Variants in PSG4 observed in about 807,000 individuals in gnomAD.
The protein encoded by PSG4 is pregnancy specific beta-1-glycoprotein 4.
A neutral mutation model predicts 44.3 loss-of-function variants in PSG4; 61 were observed. The observed-to-expected ratio is 1.38, with a 90% CI of 1.12 to 1.70. PSG4 has a LOEUF of 1.70. Among genes scored for constraint, PSG4 ranks in the 40% most tolerant of loss-of-function variants. The probability of loss-of-function intolerance (pLI) is 0.00; values close to 1 mark genes in which losing one functional copy is unlikely to be tolerated. For missense variants in PSG4, 677 were observed against 511.7 expected (o/e 1.32, Z -3.12); for synonymous variants, 248 against 191.3 (o/e 1.30, Z -2.45).
chr19:43,202,411 G>C (rs1258811092), intron 2 of PSG4, among the ~76,000 whole-genome samples: 2 of 144,668 alleles, frequency 1.4e-5, no homozygotes. Context: ...GGGATGAAAC[G>C]TGGGTGTCAG....
At chr19:43,205,332 C>T in intron 1 of PSG4, 141 bp downstream of exon 1, 1 of 1,063,472 alleles carries the variant, frequency 9.4e-7, no homozygotes, top group Non-Finnish European at 1.3e-6. Context: ...TGATCTTGAA[C>T]TCCTGATCTC....
intron 3 of PSG4, 81 bp downstream of exon 3, chr19:43,197,916 G>C (rs1967321853): frequency 1.3e-6 from 2 of 1,571,682 alleles, no homozygotes; most frequent in Non-Finnish European, 1.7e-6. Flanking sequence ...ACTTGGACCT[G>C]AGAGGGACTG....
intron 3 of PSG4, among the ~76,000 whole-genome samples, chr19:43,195,556 C>A (rs1967207265): frequency 6.6e-6 from 1 of 151,336 alleles, no homozygotes; most frequent in Admixed American, 6.6e-5. Flanking sequence ...GCCCCTTGTA[C>A]CCCTCCCAGT....
chr19:43,202,211 C>A (rs1450179342), intron 2 of PSG4, among the ~76,000 whole-genome samples: 1 of 145,262 alleles, frequency 6.9e-6, no homozygotes, highest in Non-Finnish European at 1.5e-5. Flanking sequence ...AGATGAGGGA[C>A]ACAGAGAAGA....
intron 1 of PSG4, among the ~76,000 whole-genome samples, chr19:43,205,258 C>T (rs1158674882): frequency 2.8e-5 from 4 of 142,694 alleles, no homozygotes; most frequent in Admixed American, 7.0e-5. Context: ...CAGGAGCACA[C>T]CACTATACCT....
intron 3 of PSG4, chr19:43,197,782 C>G (rs1599771350): frequency 6.0e-6 from 6 of 1,002,412 alleles, no homozygotes; most frequent in Non-Finnish European, 8.4e-6. Flanking sequence ...AGCTGTGGAA[C>G]CTGAGTCTCC....
chr19:43,194,307 T>C, intron 5 of PSG4, 33 bp downstream of exon 5: 1 of 1,611,898 alleles, frequency 6.2e-7, no homozygotes. Context: ...TCCACCTAAA[T>C]CCCTATTGCC....
intron 5 of PSG4, chr19:43,193,625 G>A (rs566663696): frequency 3.5e-6 from 2 of 575,808 alleles, no homozygotes; most frequent in South Asian, 4.5e-5. Flanking sequence ...CGCTCTTTTA[G>A]AATTTTATTT....
rs1254173771 is a variant in PSG4 at position 43,197,533 on chromosome 19, T to C, written c.709+464A>G. Reference sequence around the variant, plus strand: ...GTGAGAGTCTGTGAGGCAGGAGAGATTGGGGAATTCCCCTGTATGGTAATA... The same window carrying C: ...GTGAGAGTCTGTGAGGCAGGAGAGACTGGGGAATTCCCCTGTATGGTAATA... On this transcript the variant is annotated intron_variant, in intron 3 of 5. Transcript: ENST00000405312. Among the ~76,000 whole-genome samples the C allele has an allele frequency of 2.1e-5, 3 of 140,306 alleles. 1 individual carries two copies. Among genetic ancestry groups the C allele is most frequent in the Admixed American group, 2.1e-4 (3 of 14,038 alleles). 92.0% of individuals were successfully genotyped at this position (140,306 alleles called of 152,430 possible). A position where few individuals can be genotyped will look rare whatever the true frequency, so the allele number is the denominator to read the frequency against.
rs778020749 is a variant in PSG4 at position 43,204,811 on chromosome 19, C to A, written c.65-560G>T. ...TAGATGTGAGAGTTCTCAGGGTCTC[C>A]ACCCTCTGGATGTTTCTTTTTCCCC... On this transcript the variant is annotated intron_variant, in intron 1 of 5. Coordinates refer to ENST00000405312, the MANE Select transcript of PSG4 (RefSeq NM_002780.5). 29 of 368,410 alleles carry A rather than the reference C, an allele frequency of 7.9e-5. 2 individuals are homozygous for A. Among genetic ancestry groups the A allele is most frequent in the African/African-American group, 1.4e-4 (3 of 21,906 alleles). The allele number at this position is 368,410 out of a possible 1,614,324, so 22.8% of individuals were successfully genotyped here. A position where few individuals can be genotyped will look rare whatever the true frequency, so the allele number is the denominator to read the frequency against.
rs539797092 is a variant in PSG4, at chr19:43,202,891, G to T, written c.430+995C>A. ...CAGTAAGCCCTCACTTCTGGTGGAG[G>T]AGAGGAAGGGCCTGTGGCTGCAGAC... On this transcript the variant is annotated intron_variant, in intron 2 of 5. Transcript: ENST00000405312. 2.1e-4 allele frequency among the ~76,000 whole-genome samples: 30 copies of T among 144,776 alleles called. 4 individuals are homozygous for T. Among genetic ancestry groups the T allele is most frequent in the African/African-American group, 8.0e-4 (30 of 37,566 alleles). The allele number at this position is 144,776 out of a possible 152,430, so 95.0% of individuals were successfully genotyped here. A position where few individuals can be genotyped will look rare whatever the true frequency, so the allele number is the denominator to read the frequency against.
chr19:43,201,468 G>A (rs1051728558), intron 2 of PSG4, among the ~76,000 whole-genome samples: 2 of 144,932 alleles, frequency 1.4e-5, no homozygotes, highest in Non-Finnish European at 3.0e-5. Flanking sequence ...ATTGTAGAAC[G>A]CGAGACTGGT....
chr19:43,203,677 C>G lies in PSG4; in HGVS notation c.430+209G>C, dbSNP rs562420010. The G allele has an allele frequency of 4.4e-4, 397 of 908,204 alleles. 14 individuals are homozygous for G. The highest frequency in any genetic ancestry group is 9.7e-4 in the Admixed American group (35 of 36,022). The allele number at this position is 908,204 out of a possible 1,614,324, so 56.3% of individuals were successfully genotyped here. A position where few individuals can be genotyped will look rare whatever the true frequency, so the allele number is the denominator to read the frequency against. On this transcript the variant is annotated intron_variant, in intron 2 of 5. Coordinates refer to ENST00000405312, the MANE Select transcript of PSG4 (RefSeq NM_002780.5). ...CCATCAGACTGTCCTTCCTCTGCAG[C>G]GAGTGTCTGCAGGGTCTGAATGCGG... is the stretch of plus-strand genomic sequence containing the variant.
intron 1 of PSG4, 151 bp downstream of exon 1, chr19:43,205,322 T>C: frequency 1.0e-6 from 1 of 1,001,424 alleles, no homozygotes; most frequent in Non-Finnish European, 1.4e-6. Context: ...TTGGCCAGAC[T>C]GATCTTGAAC....
chr19:43,193,297 G>T lies in PSG4; in HGVS notation c.*75C>A. 1.3e-6 allele frequency: 1 copy of T among 773,748 alleles called. No individual in the cohort carries two copies. Among genetic ancestry groups the T allele is most frequent in the Non-Finnish European group, 2.4e-6 (1 of 417,592 alleles). The allele number at this position is 773,748 out of a possible 1,614,324, so 47.9% of individuals were successfully genotyped here. ...TCGAGTTGTCCACCTCCAGCTTATA[G>T]GGCTTCTGGAACAGAGTGGGTCTTG... is the stretch of plus-strand genomic sequence containing the variant. On this transcript the variant is annotated 3_prime_UTR_variant, in exon 6 of 6. Transcript: ENST00000405312.
At position 43,205,529 on chromosome 19, in the gene PSG4, G is replaced by A. The variant is rs539501524; in HGVS notation, c.8C>T (p.Pro3Leu). The change falls in exon 1 of 6, where the codon CCC becomes CTC. Residue 3 changes from proline (P) to leucine (L), a missense_variant. Physicochemically the swap from Pro to Leu is moderately conservative, Grantham distance 98 (BLOSUM62 -3). Transcript: ENST00000405312. The stretch of plus-strand genomic sequence containing the variant: ...CTGTGTGCAGGGAGGGGCTGAGAGG[G>A]GCCCCATGGTCTCTGCTGCTTGTGT... The part of the protein sequence containing the change: MG[P>L]LSAPPCTQRI... 7.3e-5 allele frequency: 113 copies of A among 1,554,984 alleles called. 9 individuals are homozygous for A. The highest frequency in any genetic ancestry group is 1.7e-4 in the Admixed American group (10 of 57,384).
At position 43,201,160 on chromosome 19, in the gene PSG4, TC is replaced by T. The variant is rs1374671812; in HGVS notation, c.430+2725del. Among the ~76,000 whole-genome samples the T allele has an allele frequency of 4.1e-5, 6 of 145,912 alleles. No individual in the cohort carries two copies. The Middle Eastern group carries it at 0.01, about 253-fold the overall frequency. ...GTCTGAGTCCATCTGGCATCTAGTC[TC>T]AGGCTGGCTGTCCTCACTCGTTCCT... On this transcript the variant is annotated intron_variant, in intron 2 of 5. Coordinates refer to ENST00000405312, the MANE Select transcript of PSG4 (RefSeq NM_002780.5).
chr19:43,198,250 G>T lies in PSG4; in HGVS notation c.456C>A (p.Ser152=). ...LHLETPKPSI[S]SSNLNPREAM... ...CCTCCCTGGGATTTAAGTTGCTGCTGGAGATGGAGGGCTTGGGAGTCTCCA... is the reference window on the plus strand; with the variant it reads ...CCTCCCTGGGATTTAAGTTGCTGCTTGAGATGGAGGGCTTGGGAGTCTCCA... The change falls in exon 3 of 6, where the codon TCC becomes TCA. Residue 152 remains serine, a synonymous_variant. Coordinates refer to ENST00000405312, the MANE Select transcript of PSG4 (RefSeq NM_002780.5). 6.3e-7 allele frequency: 1 copy of T among 1,587,080 alleles called. No individual in the cohort carries two copies. Among genetic ancestry groups the T allele is most frequent in the Non-Finnish European group, 8.5e-7 (1 of 1,171,658 alleles).
intron 3 of PSG4, among the ~76,000 whole-genome samples, chr19:43,196,078 T>C (rs1403680322): frequency 4.6e-5 from 7 of 151,564 alleles, no homozygotes; most frequent in East Asian, 1.9e-4. Flanking sequence ...GAAATACATA[T>C]GGACATTTGC....
Sources: gnomAD v4.1 joint callset for allele counts (sites outside exome capture counted in the v4.1 genomes callset) on GRCh38, gnomAD v4.1.1 for gene constraint, MANE v1.5 for transcripts, NCBI Gene and HGNC (gene_info 2026-07-23, HGNC 2026-07-21) for gene names.